The following EPB41L3 variants were observed in gnomAD, a reference collection of about 807,000 sequenced individuals.
EPB41L3 encodes band 4.1-like protein 3.
EPB41L3 carries 57 observed loss-of-function variants against 127.1 expected under a neutral mutation model. The ratio of observed to expected loss-of-function variants is 0.45; its 90% CI spans 0.36 to 0.56. EPB41L3 has a LOEUF of 0.56. Among genes scored for constraint, EPB41L3 ranks in the 20% least tolerant of loss-of-function variants. The probability of loss-of-function intolerance (pLI) is 0.00; values close to 1 mark genes in which losing one functional copy is unlikely to be tolerated. For synonymous variants in EPB41L3, 572 were observed against 549.5 expected (o/e 1.04, Z -0.57); for missense variants, 1,273 against 1,372.2 (o/e 0.93, Z 1.14).
At chr18:5,625,357 C>G (rs945408648) in intron 1 of EPB41L3, among the ~76,000 whole-genome samples, 2 of 151,938 alleles carry the variant, frequency 1.3e-5, no homozygotes, top group Non-Finnish European at 2.9e-5. Flanking sequence ...GGAGTTACCA[C>G]CACACCACGG....
intron 13 of EPB41L3, among the ~76,000 whole-genome samples, chr18:5,414,951 C>G (rs894016498): frequency 1.2e-4 from 18 of 152,236 alleles, no homozygotes; most frequent in African/African-American, 4.3e-4. Flanking sequence ...CTTTCGCCCA[C>G]TATGTCCATG....
chr18:5,440,593 G>A (rs1163357407), intron 5 of EPB41L3, among the ~76,000 whole-genome samples: 2 of 152,008 alleles, frequency 1.3e-5, no homozygotes, highest in Non-Finnish European at 2.9e-5. Context: ...ATGCTGATGT[G>A]GAATTTTAAG....
intron 3 of EPB41L3, among the ~76,000 whole-genome samples, chr18:5,553,225 G>T (rs928962716): frequency 6.6e-6 from 1 of 152,152 alleles, no homozygotes; most frequent in Non-Finnish European, 1.5e-5. Flanking sequence ...TTGTTAACTT[G>T]TATTTACCTC....
intron 3 of EPB41L3, among the ~76,000 whole-genome samples, chr18:5,597,073 G>A (rs1372618773): frequency 4.6e-5 from 7 of 152,044 alleles, no homozygotes; most frequent in Admixed American, 1.3e-4. Flanking sequence ...AGAAGGAAAA[G>A]GAAGAAAAGG....
Position 5,397,959 on chromosome 18 carries a change from A to G in EPB41L3, c.2472+62T>C. ...TGCAACCACACACTCACGCCCAAAA[A>G]AAGGGTAAGGAAAGGCACATGGGCA... On this transcript the variant is annotated intron_variant, in intron 17 of 22. Coordinates refer to ENST00000341928, the MANE Select transcript of EPB41L3 (RefSeq NM_012307.5). This position sits in a 1 kb window ranked among gnomAD's most constrained non-coding sequence, Gnocchi z 4.1. The G allele has an allele frequency of 3.7e-6, 6 of 1,607,976 alleles. No individual in the cohort carries two copies. Among genetic ancestry groups the G allele is most frequent in the Non-Finnish European group, 4.2e-6 (5 of 1,176,882 alleles).
chr18:5,442,101 C>T (rs554785411), intron 5 of EPB41L3, among the ~76,000 whole-genome samples: 1 of 152,032 alleles, frequency 6.6e-6, no homozygotes, highest in African/African-American at 2.4e-5. Flanking sequence ...CTCAGTATTC[C>T]ATTAATTAGA....
intron 1 of EPB41L3, among the ~76,000 whole-genome samples, chr18:5,542,658 A>G (rs1417003332): frequency 6.6e-6 from 1 of 152,160 alleles, no homozygotes; most frequent in Non-Finnish European, 1.5e-5. Context: ...TTCCTTTATC[A>G]TTCTATTTGT....
chr18:5,400,669 G>C (rs1030229397), intron 16 of EPB41L3: 1 of 479,858 alleles, frequency 2.1e-6, no homozygotes, highest in Non-Finnish European at 4.0e-6. Flanking sequence ...CGACTCTACA[G>C]GTAAAAACAG....
intron 1 of EPB41L3, among the ~76,000 whole-genome samples, chr18:5,615,658 G>A (rs146629515): frequency 3.5e-4 from 54 of 152,276 alleles, no homozygotes; most frequent in African/African-American, 1.3e-3. Flanking sequence ...GCAGAATATT[G>A]GCACATAGTA....
intron 11 of EPB41L3, 125 bp from the exon 12 acceptor site, chr18:5,420,002 C>G: frequency 6.5e-7 from 1 of 1,528,664 alleles, no homozygotes; most frequent in Non-Finnish European, 8.8e-7. Flanking sequence ...ACAATACCAA[C>G]TATATCTTTA....
chr18:5,476,775 A>G (rs2087318674), intron 3 of EPB41L3, among the ~76,000 whole-genome samples: 2 of 152,222 alleles, frequency 1.3e-5, no homozygotes, highest in Non-Finnish European at 2.9e-5. Flanking sequence ...AAACCCAGCT[A>G]GAAGTATATT....
chr18:5,523,899 T>C (rs2093107289), intron 1 of EPB41L3, among the ~76,000 whole-genome samples: 1 of 152,190 alleles, frequency 6.6e-6, no homozygotes, highest in African/African-American at 2.4e-5. Flanking sequence ...AAGTAATAGA[T>C]CTCTATATAT....
At chr18:5,588,917 T>G (rs1442788312) in intron 3 of EPB41L3, among the ~76,000 whole-genome samples, 1 of 151,444 alleles carries the variant, frequency 6.6e-6, no homozygotes, top group African/African-American at 2.4e-5. Flanking sequence ...CAGATGTATT[T>G]CCAGGCACCC....
At chr18:5,508,850 A>G (rs1374031448) in intron 1 of EPB41L3, among the ~76,000 whole-genome samples, 1 of 151,834 alleles carries the variant, frequency 6.6e-6, no homozygotes, top group Non-Finnish European at 1.5e-5. Context: ...AGCAACACCC[A>G]GGCCAGTTAA....
At chr18:5,555,080 T>C (rs927159718) in intron 3 of EPB41L3, among the ~76,000 whole-genome samples, 1 of 152,218 alleles carries the variant, frequency 6.6e-6, no homozygotes, top group Non-Finnish European at 1.5e-5. Context: ...GAGTGTTAGA[T>C]TCTGTCATTT....
At chr18:5,446,802 C>T (rs1413416648) in intron 3 of EPB41L3, among the ~76,000 whole-genome samples, 8 of 152,130 alleles carry the variant, frequency 5.3e-5, no homozygotes, top group East Asian at 1.9e-4. Flanking sequence ...ATAAATTACT[C>T]GTTAGCAAAA....
At chr18:5,496,622 T>C (rs1486798212) in intron 1 of EPB41L3, among the ~76,000 whole-genome samples, 1 of 152,250 alleles carries the variant, frequency 6.6e-6, no homozygotes, top group Non-Finnish European at 1.5e-5. Context: ...CTAGGATTCC[T>C]GAACTTCAGA....
rs201254637 is a variant in EPB41L3, at chr18:5,617,379, T to C, written c.-467-2956A>G. 5.4e-4 allele frequency among the ~76,000 whole-genome samples: 81 copies of C among 151,178 alleles called. 1 individual carries two copies. In the East Asian group the frequency reaches 0.011, roughly 20 times the overall value. The stretch of plus-strand genomic sequence containing the variant: ...TGTCGCCCAGGCTGGAGTGCAGTGG[T>C]GCCATCTCCGCTCACTGCAAGCTCC... On this transcript the variant is annotated intron_variant, in intron 1 of 21. Coordinates refer to the EPB41L3 transcript ENST00000545076.
intron 3 of EPB41L3, among the ~76,000 whole-genome samples, chr18:5,602,290 T>C (rs2094599739): frequency 1.3e-5 from 2 of 152,176 alleles, no homozygotes; most frequent in Admixed American, 1.3e-4. Flanking sequence ...CTCCTGCCAG[T>C]ATTAATCATA....
Sources: allele counts gnomAD v4.1 joint callset (sites outside exome capture counted in the v4.1 genomes callset), GRCh38; gene constraint gnomAD v4.1.1; non-coding constraint Gnocchi (gnomAD v3.1); transcripts MANE v1.5; gene names NCBI Gene and HGNC (gene_info 2026-07-23, HGNC 2026-07-21).